Variants in CIT observed in about 807,000 individuals in gnomAD.
CIT encodes the protein citron Rho-interacting kinase.
Under a neutral mutation model 272.7 loss-of-function variants are expected in CIT, and 79 were observed. That is an observed-to-expected ratio of 0.29 (90% CI 0.24 to 0.35). CIT has a LOEUF of 0.35. Among genes scored for constraint, CIT ranks in the 10% least tolerant of loss-of-function variants. The probability of loss-of-function intolerance (pLI) is 1.00; values close to 1 mark genes in which losing one functional copy is unlikely to be tolerated. For synonymous variants in CIT, 948 were observed against 995.6 expected (o/e 0.95, Z 0.90); for missense variants, 1,909 against 2,618.3 (o/e 0.73, Z 5.91).
At chr12:119,857,016 AAAAG>A (rs1428180723) in intron 4 of CIT, among the ~76,000 whole-genome samples, 4 of 152,232 alleles carry the variant, frequency 2.6e-5, no homozygotes, top group Non-Finnish European at 5.9e-5. Context: ...AGCCTTGTTT[AAAAG>A]AAAGAAAAAT....
chr12:119,718,420 A>C lies in CIT; in HGVS notation c.4004-11T>G. On this transcript the variant is annotated splice_polypyrimidine_tract_variant and intron_variant, in intron 31 of 47. Coordinates refer to ENST00000392521, the MANE Select transcript of CIT (RefSeq NM_001206999.2). The surrounding 1 kb of genome is among the most constrained non-coding windows in gnomAD (Gnocchi z 4.8). ...CTTTGCGGTGGGCAGCTGCAGAGAGACCAGGACAATGCCTTTTGGTTAGCT... is the reference window on the plus strand; with the variant it reads ...CTTTGCGGTGGGCAGCTGCAGAGAGCCCAGGACAATGCCTTTTGGTTAGCT... 3 of 1,604,768 alleles carry C rather than the reference A, an allele frequency of 1.9e-6. No homozygotes were observed. Among genetic ancestry groups the C allele is most frequent in the Non-Finnish European group, 2.6e-6 (3 of 1,174,760 alleles).
rs755963252 is a variant in CIT, at chr12:119,803,320, T to A, written c.1181A>T (p.Asn394Ile). 14 of 1,608,216 alleles carry A rather than the reference T, an allele frequency of 8.7e-6. No individual in the cohort carries two copies. Among genetic ancestry groups the A allele is most frequent in the Non-Finnish European group, 1.2e-5 (14 of 1,177,248 alleles). ...GCACGGAGAGGATGAAACCCACGAA[T>A]TCTTCTCTGGTTCATCAAAATTGGA... is the stretch of plus-strand genomic sequence containing the variant. ...DTSNFDEPEK[N>I]SWVSSSPCQL... The change falls in exon 10 of 48, where the codon AAT becomes ATT. Residue 394 changes from asparagine (N) to isoleucine (I), a missense_variant. By Grantham distance (149) the Asn-to-Ile change is moderately radical. Transcript: ENST00000392521.
At chr12:119,805,733 A>C (rs186866611) in intron 9 of CIT, among the ~76,000 whole-genome samples, 1 of 152,364 alleles carries the variant, frequency 6.6e-6, no homozygotes, top group East Asian at 1.9e-4. Flanking sequence ...ATGATTTTGA[A>C]ATCCTGTACT....
At chr12:119,806,898 A>G (rs1371522731) in intron 9 of CIT, among the ~76,000 whole-genome samples, 1 of 152,210 alleles carries the variant, frequency 6.6e-6, no homozygotes, top group Non-Finnish European at 1.5e-5. Flanking sequence ...TTCCATAAAT[A>G]AAAAGTCTTG....
intron 24 of CIT, among the ~76,000 whole-genome samples, chr12:119,741,518 G>GA (rs566868247): frequency 6.6e-6 from 1 of 151,892 alleles, no homozygotes; most frequent in Non-Finnish European, 1.5e-5. Context: ...TCTAAATTAA[G>GA]AAAAAAATAC....
At chr12:119,830,080 A>C (rs1248262276) in intron 7 of CIT, among the ~76,000 whole-genome samples, 2 of 150,602 alleles carry the variant, frequency 1.3e-5, no homozygotes, top group East Asian at 3.9e-4. Context: ...ATATCCCCCC[A>C]AAAATTATAA....
rs1322299847 is a variant in CIT at position 119,822,905 on chromosome 12, C to A, written c.1026G>T (p.Leu342Phe). Residue 342 changes from leucine to phenylalanine, a missense_variant, in exon 9 of 48, where the codon TTG becomes TTT. By Grantham distance (22) the Leu-to-Phe change is conservative. Coordinates refer to ENST00000392521, the MANE Select transcript of CIT (RefSeq NM_001206999.2). ...SDFLDLIQSL[L>F]CGQKERLKFE... ...ACTTCAGTCTCTCTTTCTGGCCGCA[C>A]AACAAGCTTTGAATCAGATCAAGAA... 1 of 1,613,994 alleles carries A rather than the reference C, an allele frequency of 6.2e-7. No homozygotes were observed. Among genetic ancestry groups the A allele is most frequent in the East Asian group, 2.2e-5 (1 of 44,890 alleles).
At chr12:119,836,780 A>T (rs1969051323) in intron 5 of CIT, among the ~76,000 whole-genome samples, 1 of 152,220 alleles carries the variant, frequency 6.6e-6, no homozygotes, top group Non-Finnish European at 1.5e-5. Flanking sequence ...ACTCTTAAGA[A>T]CTGACAAACT....
chr12:119,780,208 T>C (rs1343809020), intron 13 of CIT, among the ~76,000 whole-genome samples: 2 of 152,178 alleles, frequency 1.3e-5, no homozygotes, highest in African/African-American at 4.8e-5. Flanking sequence ...GAAGCTGAAA[T>C]TGCTAGTAAT....
chr12:119,745,423 C>T (rs1448027339), intron 23 of CIT, among the ~76,000 whole-genome samples: 1 of 77,188 alleles, frequency 1.3e-5, no homozygotes, highest in Non-Finnish European at 2.7e-5. Context: ...GAATTCTATA[C>T]CCAGCAAAAA....
chr12:119,840,519 T>C (rs1969338944), intron 5 of CIT, among the ~76,000 whole-genome samples: 1 of 151,970 alleles, frequency 6.6e-6, no homozygotes, highest in African/African-American at 2.4e-5. Flanking sequence ...CACAGAAAAC[T>C]CAAAGAACCT....
At chr12:119,693,779 T>G (rs531742461) in intron 46 of CIT, among the ~76,000 whole-genome samples, 1 of 152,348 alleles carries the variant, frequency 6.6e-6, no homozygotes, top group East Asian at 1.9e-4. Flanking sequence ...TTAACTCCTA[T>G]ACATCAACAA....
intron 44 of CIT, among the ~76,000 whole-genome samples, chr12:119,699,244 GAAAATCCGACTCAAAAAAAAAAAAA>G (rs1296528540): frequency 2.6e-5 from 2 of 77,926 alleles, no homozygotes; most frequent in African/African-American, 1.0e-4. Context: ...CAACAAGAGT[GAAAATCCGACTCAAAAAAAAAAAAA>G]AAAAAAAGAC....
intron 27 of CIT, 137 bp downstream of exon 27, chr12:119,730,358 G>T: frequency 6.3e-6 from 6 of 952,576 alleles, no homozygotes; most frequent in Middle Eastern, 3.7e-4. Flanking sequence ...GCAAAACCAT[G>T]GGACATTTTT....
chr12:119,841,699 A>C (rs1486374919), intron 5 of CIT, among the ~76,000 whole-genome samples: 1 of 152,210 alleles, frequency 6.6e-6, no homozygotes, highest in Non-Finnish European at 1.5e-5. Flanking sequence ...CTATAGAAAA[A>C]GAATTTGCTT....
intron 7 of CIT, among the ~76,000 whole-genome samples, chr12:119,826,806 AC>A (rs1398902480): frequency 1.3e-5 from 2 of 152,166 alleles, no homozygotes; most frequent in African/African-American, 2.4e-5. Context: ...AAGTCCACAT[AC>A]CTTGAAGGCT....
chr12:119,875,838 T>C (rs1237750719), intron 2 of CIT, among the ~76,000 whole-genome samples: 1 of 151,822 alleles, frequency 6.6e-6, no homozygotes, highest in South Asian at 2.1e-4. Context: ...AAATACAAAA[T>C]TTAGCCGGGT....
At chr12:119,850,825 G>A (rs1970178781) in intron 4 of CIT, among the ~76,000 whole-genome samples, 1 of 152,306 alleles carries the variant, frequency 6.6e-6, no homozygotes, top group South Asian at 2.1e-4. Flanking sequence ...TGTGGGGGCA[G>A]CCCAGTATCA....
Position 119,784,403 on chromosome 12 carries a change from C to T in CIT, c.1402-352G>A, listed in dbSNP as rs117074838. 1 of 1,225,202 alleles carries T rather than the reference C, an allele frequency of 8.2e-7. No homozygotes were observed. Among genetic ancestry groups the T allele is most frequent in the South Asian group, 1.5e-5 (1 of 66,162 alleles). 75.9% of individuals were successfully genotyped at this position (1,225,202 alleles called of 1,614,324 possible). ...TTTTATCCCAAATCCATCTTGATCC[C>T]CCCCCATCTCCTTGCAAAGATCTAG... On this transcript the variant is annotated intron_variant, in intron 11 of 47. Transcript: ENST00000392521. This position sits in a 1 kb window ranked among gnomAD's most constrained non-coding sequence, Gnocchi z 4.7.
Sources: allele counts gnomAD v4.1 joint callset (sites outside exome capture counted in the v4.1 genomes callset), GRCh38; gene constraint gnomAD v4.1.1; non-coding constraint Gnocchi (gnomAD v3.1); transcripts MANE v1.5; gene names NCBI Gene and HGNC (gene_info 2026-07-23, HGNC 2026-07-21).